Variants in OSBPL10 observed in about 807,000 individuals in gnomAD.
The protein encoded by OSBPL10 is oxysterol binding protein like 10, also known as oxysterol-binding protein-related protein 10.
A neutral mutation model predicts 81.7 loss-of-function variants in OSBPL10; 49 were observed. That is an observed-to-expected ratio of 0.60 (90% CI 0.48 to 0.76). The LOEUF (loss-of-function observed/expected upper bound fraction) is 0.76, where lower values mean the gene tolerates loss of function less well. Among genes scored for constraint, OSBPL10 ranks in the 30% least tolerant of loss-of-function variants. The pLI is 0.00. For missense variants in OSBPL10, 923 were observed against 987.8 expected, an observed-to-expected ratio of 0.93 and a Z score of 0.88; for synonymous variants, 419 against 383.6, an observed-to-expected ratio of 1.09 and a Z score of -1.08.
chr3:31,748,560 C>G (rs186728757), intron 4 of OSBPL10, among the ~76,000 whole-genome samples: 112 of 147,908 alleles, frequency 7.6e-4, no homozygotes, highest in Non-Finnish European at 1.4e-3. Context: ...TCAGAGTTCA[C>G]GAATTGGAAG....
At chr3:32,002,117 G>T (rs1413296973) in intron 2 of OSBPL10, among the ~76,000 whole-genome samples, 2 of 152,140 alleles carry the variant, frequency 1.3e-5, no homozygotes. Flanking sequence ...GCTCATACAA[G>T]TCCATCTAGG....
intron 2 of OSBPL10, among the ~76,000 whole-genome samples, chr3:32,003,870 A>T (rs901088): frequency 6.6e-6 from 1 of 152,138 alleles, no homozygotes; most frequent in Admixed American, 6.5e-5. Flanking sequence ...TTGGAGGGAC[A>T]AAGTAGAAAG....
At chr3:32,065,606 G>A (rs79049231) in intron 1 of OSBPL10, among the ~76,000 whole-genome samples, 26,266 of 90,076 alleles carry the variant, frequency 0.29, 10,211 homozygotes, top group Non-Finnish European at 0.41. Flanking sequence ...CCCAGGTCAG[G>A]CACAGTGGCT....
intron 7 of OSBPL10, among the ~76,000 whole-genome samples, chr3:31,687,959 TG>T (rs1700835468): frequency 6.6e-6 from 1 of 150,796 alleles, no homozygotes; most frequent in African/African-American, 2.5e-5. Flanking sequence ...GGAGATCAAA[TG>T]GGCAAGAGAA....
intron 4 of OSBPL10, among the ~76,000 whole-genome samples, chr3:31,780,918 A>T (rs1378128503): frequency 1.3e-5 from 2 of 151,866 alleles, no homozygotes; most frequent in Non-Finnish European, 2.9e-5. Flanking sequence ...AATCTTACTG[A>T]AAGTATTGCA....
chr3:31,747,884 C>A (rs1264386326), intron 5 of OSBPL10, 26 bp downstream of exon 5: 4 of 1,609,442 alleles, frequency 2.5e-6, no homozygotes, highest in Non-Finnish European at 3.4e-6. Context: ...TCATCCCAAA[C>A]ATGGACAAGC....
intron 1 of OSBPL10, among the ~76,000 whole-genome samples, chr3:31,970,059 G>C (rs1458254969): frequency 6.6e-6 from 1 of 152,052 alleles, no homozygotes; most frequent in Non-Finnish European, 1.5e-5. Context: ...TCTTTCCAGA[G>C]AAAAAGAAAA....
intron 2 of OSBPL10, among the ~76,000 whole-genome samples, chr3:31,996,385 T>C (rs1241505664): frequency 6.6e-6 from 1 of 152,208 alleles, no homozygotes. Context: ...AATGATATGA[T>C]TGTGGGTTGT....
At chr3:31,864,000 T>C (rs146278519) in intron 3 of OSBPL10, among the ~76,000 whole-genome samples, 2 of 152,322 alleles carry the variant, frequency 1.3e-5, no homozygotes, top group African/African-American at 2.4e-5. Context: ...TTGCTGAGTA[T>C]TGAACATGCA....
chr3:32,070,556 TA>T (rs1191097476), intron 1 of OSBPL10, among the ~76,000 whole-genome samples: 1 of 152,126 alleles, frequency 6.6e-6, no homozygotes, highest in African/African-American at 2.4e-5. Context: ...ACTATCCCAT[TA>T]AAACCTAATC....
In OSBPL10 at chr3:31,830,182, G is replaced by A. The variant is rs1202752371; in HGVS notation, c.587C>T (p.Thr196Ile). 6.2e-7 allele frequency: 1 copy of A among 1,614,026 alleles called. No individual in the cohort carries two copies. Among genetic ancestry groups the A allele is most frequent in the Non-Finnish European group, 8.5e-7 (1 of 1,180,008 alleles). The change falls in exon 4 of 12, where the codon ACA becomes ATA. Residue 196 changes from threonine to isoleucine, a missense_variant. This residue lies in a region of OSBPL10 where 514 missense variants were observed against 508.0 expected (regional missense o/e 1.01). Transcript: ENST00000396556. ...GCTACAGGGAGACGCAGAATTGGGTGTTCCATGTGGGAGCAAAGTGAGACT... is the reference window on the plus strand; with the variant it reads ...GCTACAGGGAGACGCAGAATTGGGTATTCCATGTGGGAGCAAAGTGAGACT... ...SRSLTLLPHGTPNSASPCSQR... is the reference protein window; with the variant it reads ...SRSLTLLPHGIPNSASPCSQR...
upstream of OSBPL10, among the ~76,000 whole-genome samples, chr3:31,981,481 G>C (rs1308993620): frequency 6.6e-6 from 1 of 152,152 alleles, no homozygotes; most frequent in Non-Finnish European, 1.5e-5. This position sits in a 1 kb window ranked among gnomAD's most constrained non-coding sequence, Gnocchi z 4.5. Context: ...AGCCCTCTTC[G>C]GGTTCCTCCT....
At chr3:31,804,746 A>G (rs2125458009) in intron 4 of OSBPL10, among the ~76,000 whole-genome samples, 1 of 152,362 alleles carries the variant, frequency 6.6e-6, no homozygotes, top group East Asian at 1.9e-4. Flanking sequence ...AACAGCAATA[A>G]ACAGCAGCAT....
At chr3:31,790,442 G>C (rs149399490) in intron 4 of OSBPL10, among the ~76,000 whole-genome samples, 3 of 152,256 alleles carry the variant, frequency 2.0e-5, no homozygotes, top group African/African-American at 7.2e-5. Flanking sequence ...ATCATCCTCT[G>C]AATAATTAAG....
chr3:32,045,311 T>A (rs1699611469), intron 2 of OSBPL10, among the ~76,000 whole-genome samples: 1 of 152,188 alleles, frequency 6.6e-6, no homozygotes, highest in African/African-American at 2.4e-5. Context: ...TTTGAGCCAC[T>A]AGGAGCTAGA....
intron 1 of OSBPL10, among the ~76,000 whole-genome samples, chr3:31,945,721 A>G (rs1697680791): frequency 6.6e-6 from 1 of 152,190 alleles, no homozygotes; most frequent in Admixed American, 6.5e-5. Flanking sequence ...AGAGGTCAGC[A>G]GCCCTTGACC....
chr3:32,070,835 G>T (rs932950873), intron 1 of OSBPL10, among the ~76,000 whole-genome samples: 1 of 151,852 alleles, frequency 6.6e-6, no homozygotes, highest in Admixed American at 6.6e-5. Flanking sequence ...TCTTAAAGAT[G>T]TTTTTTTCAC....
At chr3:31,895,795 T>G (rs1192097173) in intron 1 of OSBPL10, among the ~76,000 whole-genome samples, 2 of 152,152 alleles carry the variant, frequency 1.3e-5, no homozygotes, top group Non-Finnish European at 2.9e-5. Flanking sequence ...TGTCTAAAAA[T>G]TTACATGAAT....
In OSBPL10 at chr3:31,892,524, TC is replaced by T. The variant is rs545398343; in HGVS notation, c.282-12695del. ...CGACTGGGGAGACTAACACATTCTC[TC>T]CCCAAAAAAGTCAACTATAAAACTG... is the stretch of plus-strand genomic sequence containing the variant. On this transcript the variant is annotated intron_variant, in intron 1 of 11. Coordinates refer to ENST00000396556, the MANE Select transcript of OSBPL10 (RefSeq NM_017784.5). 1.1e-3 allele frequency among the ~76,000 whole-genome samples: 171 copies of T among 152,104 alleles called. 1 individual carries two copies. Among genetic ancestry groups the T allele is most frequent in the African/African-American group, 3.8e-3 (157 of 41,486 alleles).
Sources: allele counts gnomAD v4.1 joint callset (sites outside exome capture counted in the v4.1 genomes callset), GRCh38; gene constraint gnomAD v4.1.1; regional missense constraint gnomAD v4.1.1; non-coding constraint Gnocchi (gnomAD v3.1); transcripts MANE v1.5; gene names NCBI Gene and HGNC (gene_info 2026-07-23, HGNC 2026-07-21).